ITIH1: variants seen among roughly 807,000 people sequenced by gnomAD.
The protein encoded by ITIH1 is inter-alpha-trypsin inhibitor heavy chain 1, also known as inter-alpha-trypsin inhibitor heavy chain H1.
ITIH1 carries 94 observed loss-of-function variants against 104.6 expected under a neutral mutation model. That is an observed-to-expected ratio of 0.90 (90% CI 0.76 to 1.07). ITIH1 has a LOEUF of 1.07. ITIH1 is among the 50% of genes least tolerant of loss of function. The probability of loss-of-function intolerance (pLI) is 0.00; values close to 1 mark genes in which losing one functional copy is unlikely to be tolerated. For missense variants in ITIH1, 1,193 were observed against 1,181.4 expected (o/e 1.01, Z -0.14); for synonymous variants, 455 against 464.4 (o/e 0.98, Z 0.26).
Position 52,786,413 on chromosome 3 carries a change from T to A in ITIH1, c.1712T>A (p.Ile571Asn). Residue 571 changes from isoleucine (I) to asparagine (N), a missense_variant, in exon 13 of 22, where the codon ATC (isoleucine) becomes AAC (asparagine). Ile to Asn is a moderately radical substitution (Grantham distance 149). Coordinates refer to ENST00000273283, the MANE Select transcript of ITIH1 (RefSeq NM_002215.4). ...HVERLWAYLT[I>N]QELLAKRMKV... ...GAGCGCCTCTGGGCCTACCTCACCA[T>A]CCAGGAGCTGCTGGCCAAGCGGTAG... 3 of 1,585,728 alleles carry A rather than the reference T, an allele frequency of 1.9e-6. No individual in the cohort carries two copies. The highest frequency in any genetic ancestry group is 2.6e-6 in the Non-Finnish European group (3 of 1,165,766).
At chr3:52,778,783 C>A in intron 3 of ITIH1, 159 bp from the exon 4 acceptor site, 1 of 1,108,448 alleles carries the variant, frequency 9.0e-7, no homozygotes, top group Non-Finnish European at 1.3e-6. Flanking sequence ...CTGACCTGGG[C>A]TGCTCACCTC....
intron 19 of ITIH1, 199 bp downstream of exon 19, chr3:52,790,053 A>G (rs1699312067): frequency 1.7e-6 from 1 of 605,514 alleles, no homozygotes; most frequent in Non-Finnish European, 2.9e-6. Context: ...GCCCAGCTGC[A>G]TGGCAACTGT....
chr3:52,778,801 A>G (rs1698968072), intron 3 of ITIH1, 141 bp from the exon 4 acceptor site: 3 of 1,058,448 alleles, frequency 2.8e-6, no homozygotes, highest in Admixed American at 2.1e-5. Flanking sequence ...CTCATTGCCC[A>G]TGGACCCCTG....
Position 52,791,973 on chromosome 3 carries a change from T to C in ITIH1, c.*62T>C. On this transcript the variant is annotated 3_prime_UTR_variant, in exon 22 of 22. Transcript: ENST00000273283. ...AAGGCAGAGGAGGAGGACGACATCCTGACCTGCTGCTGAGGCTGTACCTCC... is the reference window on the plus strand; with the variant it reads ...AAGGCAGAGGAGGAGGACGACATCCCGACCTGCTGCTGAGGCTGTACCTCC... The C allele has an allele frequency of 6.5e-7, 1 of 1,542,606 alleles. No homozygotes were observed. The highest frequency in any genetic ancestry group is 8.8e-7 in the Non-Finnish European group (1 of 1,136,500).
chr3:52,785,436 T>C (rs1176673258), intron 12 of ITIH1, among the ~76,000 whole-genome samples: 2 of 152,212 alleles, frequency 1.3e-5, no homozygotes, highest in African/African-American at 4.8e-5. Context: ...GGGGCCAATA[T>C]GGCCTTTATC....
chr3:52,779,329 T>A lies in ITIH1; in HGVS notation c.411-103T>A. The A allele has an allele frequency of 7.9e-7, 1 of 1,269,168 alleles. No individual in the cohort carries two copies. The highest frequency in any genetic ancestry group is 1.8e-4 in the Middle Eastern group (1 of 5,412). 78.6% of individuals were successfully genotyped at this position (1,269,168 alleles called of 1,614,324 possible). A position where few individuals can be genotyped will look rare whatever the true frequency, so the allele number is the denominator to read the frequency against. Reference sequence around the variant, plus strand: ...GTCCAGGGAAACCTGGGAGCAACACTCATCTAAGAGAAATAAATTCTGTGG... The same window carrying A: ...GTCCAGGGAAACCTGGGAGCAACACACATCTAAGAGAAATAAATTCTGTGG... On this transcript the variant is annotated intron_variant, in intron 4 of 21. Transcript: ENST00000273283. The surrounding 1 kb of genome is among the most constrained non-coding windows in gnomAD (Gnocchi z 4.4).
At chr3:52,787,534 T>C in intron 15 of ITIH1, 58 bp from the exon 16 acceptor site, 1 of 1,606,930 alleles carries the variant, frequency 6.2e-7, no homozygotes, top group Non-Finnish European at 8.5e-7. Flanking sequence ...CTGCATGCCT[T>C]TCGTGTGGGG....
chr3:52,789,937 C>A, intron 19 of ITIH1, 83 bp downstream of exon 19: 1 of 1,400,580 alleles, frequency 7.1e-7, no homozygotes, highest in East Asian at 2.3e-5. Flanking sequence ...GGCCCTCGTC[C>A]CTGAGCCATG....
intron 20 of ITIH1, 69 bp downstream of exon 20, chr3:52,790,990 G>C: frequency 6.7e-7 from 1 of 1,483,626 alleles, no homozygotes; most frequent in South Asian, 1.3e-5. Context: ...GGGACCTGGG[G>C]CCACCGGTCA....
In ITIH1 at chr3:52,782,954, C is replaced by A; in HGVS notation, c.931-3C>A. On this transcript the variant is annotated splice_region_variant and splice_polypyrimidine_tract_variant and intron_variant, in intron 8 of 21. Transcript: ENST00000273283. ...CTGTCTACTGACTGTTCTGTCCTTG[C>A]AGACCAAGGAGGCACTCCTTAAAAT... 6.2e-7 allele frequency: 1 copy of A among 1,613,592 alleles called. No individual in the cohort carries two copies. The highest frequency in any genetic ancestry group is 1.7e-4 in the Middle Eastern group (1 of 6,048).
Position 52,786,988 on chromosome 3 carries a change from G to C in ITIH1, c.1777G>C (p.Ala593Pro). The C allele has an allele frequency of 5.0e-6, 8 of 1,614,138 alleles. No individual in the cohort carries two copies. Among genetic ancestry groups the C allele is most frequent in the Non-Finnish European group, 6.8e-6 (8 of 1,179,996 alleles). ...REERANLSSQALQMSLDYGFV... is the reference protein window; with the variant it reads ...REERANLSSQPLQMSLDYGFV... ...GGAGAGGGCCAACCTGTCATCCCAG[G>C]CCCTGCAGATGTCGCTGGACTATGG... is the stretch of plus-strand genomic sequence containing the variant. Residue 593 changes from alanine to proline, a missense_variant, in exon 14 of 22, where the codon GCC (alanine) becomes CCC (proline). Physicochemically the swap from Ala to Pro is conservative, Grantham distance 27 (BLOSUM62 -1). Transcript: ENST00000273283.
intron 6 of ITIH1, 64 bp from the exon 7 acceptor site, chr3:52,781,876 C>A: frequency 6.3e-7 from 1 of 1,591,550 alleles, no homozygotes; most frequent in Non-Finnish European, 8.6e-7. Flanking sequence ...CTTATGTTGT[C>A]TTTGCAAACA....
At chr3:52,784,251 C>T (rs760271034) in intron 10 of ITIH1, 45 bp from the exon 11 acceptor site, 3 of 1,560,802 alleles carry the variant, frequency 1.9e-6, no homozygotes, top group Non-Finnish European at 1.7e-6. Context: ...GCCCCACATG[C>T]CTGTGGGCCA....
rs772373357 is a variant in ITIH1, at chr3:52,780,315, C to T, written c.620C>T (p.Ala207Val). Residue 207 changes from alanine to valine, a missense_variant, in exon 6 of 22, where the codon GCC becomes GTC. Transcript: ENST00000273283. ...CCCCAGGGGATCAGCAAGCTGGATG[C>T]CCAGGCCTCTTTCCTGCCGAAGGAA... ...FEPQGISKLD[A>V]QASFLPKELA... The T allele has an allele frequency of 1.2e-6, 2 of 1,613,918 alleles. No individual in the cohort carries two copies. Among genetic ancestry groups the T allele is most frequent in the African/African-American group, 1.3e-5 (1 of 74,902 alleles).
At chr3:52,780,494 G>A in intron 6 of ITIH1, 112 bp downstream of exon 6, 2 of 691,530 alleles carry the variant, frequency 2.9e-6, no homozygotes, top group Non-Finnish European at 2.5e-6. Flanking sequence ...GCTGTGGTCT[G>A]CCCTCAGGAT....
chr3:52,780,357 T>C lies in ITIH1; in HGVS notation c.662T>C (p.Ile221Thr). The C allele has an allele frequency of 6.2e-7, 1 of 1,613,866 alleles. No homozygotes were observed. Reference protein sequence around the residue: ...FLPKELAAQTIKKSFSGKKGH... With the variant: ...FLPKELAAQTTKKSFSGKKGH... ...CCGAAGGAACTGGCAGCCCAAACTATCAAGAAGTCCTTCTCAGGAAAAAAG... is the reference window on the plus strand; with the variant it reads ...CCGAAGGAACTGGCAGCCCAAACTACCAAGAAGTCCTTCTCAGGAAAAAAG... The change falls in exon 6 of 22, where the codon ATC becomes ACC. Residue 221 changes from isoleucine to threonine, a missense_variant. By Grantham distance (89) the Ile-to-Thr change is moderately conservative. Coordinates refer to ENST00000273283, the MANE Select transcript of ITIH1 (RefSeq NM_002215.4).
chr3:52,781,201 TTTTTTTTTTC>T (rs1271500508), intron 6 of ITIH1, among the ~76,000 whole-genome samples: 852 of 70,178 alleles, frequency 0.012, 34 homozygotes, highest in Middle Eastern at 0.021. Context: ...CCTCTTCTTT[TTTTTTTTTTC>T]TTCTTCTTCT....
In ITIH1 at chr3:52,779,359, CAT is replaced by C. The variant is rs2154108149; in HGVS notation, c.411-72_411-71del. 1.4e-6 allele frequency: 2 copies of C among 1,464,582 alleles called. No homozygotes were observed. The highest frequency in any genetic ancestry group is 2.3e-5 in the East Asian group (1 of 44,076). 90.7% of individuals were successfully genotyped at this position (1,464,582 alleles called of 1,614,324 possible). On this transcript the variant is annotated intron_variant, in intron 4 of 21. Transcript: ENST00000273283. The surrounding 1 kb of genome is among the most constrained non-coding windows in gnomAD (Gnocchi z 4.4). The stretch of plus-strand genomic sequence containing the variant: ...TAAGAGAAATAAATTCTGTGGGCCA[CAT>C]GTTAGGTGACAAGGACCCAAATGTC...
At chr3:52,788,168 C>A in intron 17 of ITIH1, 64 bp from the exon 18 acceptor site, 1 of 1,523,996 alleles carries the variant, frequency 6.6e-7, no homozygotes, top group Middle Eastern at 1.7e-4. Flanking sequence ...TAGCTGAACC[C>A]CAACCCCTGG....
Sources: allele counts gnomAD v4.1 joint callset (sites outside exome capture counted in the v4.1 genomes callset), GRCh38; gene constraint gnomAD v4.1.1; non-coding constraint Gnocchi (gnomAD v3.1); transcripts MANE v1.5; gene names NCBI Gene and HGNC (gene_info 2026-07-23, HGNC 2026-07-21).